The following RTL1 variants were observed in gnomAD, a reference collection of about 807,000 sequenced individuals.
The protein encoded by RTL1 is retrotransposon-like protein 1.
For missense variants in RTL1, 1,681 were observed against 1,767.5 expected (o/e 0.95, Z 0.88); for synonymous variants, 727 against 748.4 (o/e 0.97, Z 0.47).
In RTL1 at chr14:100,882,970, A is replaced by AG; in HGVS notation, c.1818dup (p.Phe607LeufsTer49). On this transcript the variant is annotated frameshift_variant, in exon 4 of 4. Coordinates refer to ENST00000649591, the MANE Select transcript of RTL1 (RefSeq NM_001134888.3). LOFTEE classifies it low-confidence loss of function (END_TRUNC). The stretch of plus-strand genomic sequence containing the variant: ...GGCGCGGTGGAGGGACACTCGTAAA[A>AG]GGTCTCGCTGTGATCACTGTCTCCA... The AG allele has an allele frequency of 6.2e-7, 1 of 1,614,056 alleles. No individual in the cohort carries two copies. The highest frequency in any genetic ancestry group is 8.5e-7 in the Non-Finnish European group (1 of 1,180,006).
rs554407361 is a variant in RTL1 at position 100,900,431 on chromosome 14, G to A, written c.-149+2860C>T. On this transcript the variant is annotated intron_variant, in intron 2 of 3. Coordinates refer to ENST00000649591, the MANE Select transcript of RTL1 (RefSeq NM_001134888.3). ...TCCGAAATGTTTGATTTGTTTACTCGGGAGCGTGAGCCTGGTCAGGCACAT... is the reference window on the plus strand; with the variant it reads ...TCCGAAATGTTTGATTTGTTTACTCAGGAGCGTGAGCCTGGTCAGGCACAT... Among the ~76,000 whole-genome samples, 182 of 152,334 alleles carry A rather than the reference G, an allele frequency of 1.2e-3. 1 individual carries two copies. Among genetic ancestry groups the A allele is most frequent in the Middle Eastern group, 6.8e-3 (2 of 294 alleles).
In RTL1 at chr14:100,893,703, T is replaced by C. The variant is rs1274546343; in HGVS notation, c.-148-198A>G. ...CGTGATGCTTCCTGAGTGCTTACTA[T>C]GCGCCAAGCGCTGCTTTCACCATTT... is the stretch of plus-strand genomic sequence containing the variant. On this transcript the variant is annotated intron_variant, in intron 2 of 3. Transcript: ENST00000649591. This position sits in a 1 kb window ranked among gnomAD's most constrained non-coding sequence, Gnocchi z 4.2. Among the ~76,000 whole-genome samples the C allele has an allele frequency of 6.6e-6, 1 of 152,240 alleles. No individual in the cohort carries two copies. Among genetic ancestry groups the C allele is most frequent in the African/African-American group, 2.4e-5 (1 of 41,474 alleles).
At position 100,880,357 on chromosome 14, in the gene RTL1, C is replaced by T. The variant is rs530627197; in HGVS notation, c.*355G>A. On this transcript the variant is annotated 3_prime_UTR_variant, in exon 4 of 4. Coordinates refer to ENST00000649591, the MANE Select transcript of RTL1 (RefSeq NM_001134888.3). ...GCCCCGTCACCTGCTTGCTTGGCTG[C>T]GCCTGCTGTGCCTGCTTCTTCATCT... Among the ~76,000 whole-genome samples the T allele has an allele frequency of 1.3e-5, 2 of 152,216 alleles. No homozygotes were observed. Among genetic ancestry groups the T allele is most frequent in the South Asian group, 2.1e-4 (1 of 4,824 alleles).
chr14:100,880,948 G>A lies in RTL1; in HGVS notation c.3841C>T (p.Arg1281Cys), dbSNP rs530313157. Residue 1281 changes from arginine to cysteine, a missense_variant, in exon 4 of 4, where the codon CGC (arginine) becomes TGC (cysteine). Physicochemically the swap from Arg to Cys is radical, Grantham distance 180. Coordinates refer to ENST00000649591, the MANE Select transcript of RTL1 (RefSeq NM_001134888.3). The stretch of plus-strand genomic sequence containing the variant: ...AGGACCTGGGGATCCATCAGGTGGC[G>A]TGGGCGGGGTGGGTGGGTGGCTGCT... ...HTAATHPPRP[R>C]HLMDPQVLEF... 3.2e-5 allele frequency: 50 copies of A among 1,549,032 alleles called. No homozygotes were observed. Among genetic ancestry groups the A allele is most frequent in the East Asian group, 1.7e-4 (7 of 40,886 alleles).
intron 3 of RTL1, among the ~76,000 whole-genome samples, chr14:100,890,074 G>GGA (rs554899525): frequency 8.9e-5 from 11 of 123,892 alleles, no homozygotes; most frequent in Non-Finnish European, 1.5e-4. Context: ...CGCCTTATTT[G>GGA]AAAAAAAAAA....
In RTL1 at chr14:100,884,331, T is replaced by C. The variant is rs776755981; in HGVS notation, c.458A>G (p.Gln153Arg). 6.5e-7 allele frequency: 1 copy of C among 1,543,784 alleles called. No homozygotes were observed. The highest frequency in any genetic ancestry group is 8.8e-7 in the Non-Finnish European group (1 of 1,141,332). ...ESGREETPQE[Q>R]NQTEHSTAEL... ...TGCGGTTGAGTGCTCGGTCTGGTTT[T>C]GCTCTTGAGGAGTCTCCTCCCTTCC... The change falls in exon 4 of 4, where the codon CAA (glutamine) becomes CGA (arginine). Residue 153 changes from glutamine (Q) to arginine (R), a missense_variant. Coordinates refer to ENST00000649591, the MANE Select transcript of RTL1 (RefSeq NM_001134888.3).
rs891889986 is a variant in RTL1, at chr14:100,881,115, A to G, written c.3674T>C (p.Val1225Ala). The G allele has an allele frequency of 6.3e-7, 1 of 1,578,358 alleles. No homozygotes were observed. Among genetic ancestry groups the G allele is most frequent in the African/African-American group, 1.3e-5 (1 of 74,076 alleles). Reference sequence around the variant, plus strand: ...TCGCAAGACGACATCCTCATCACCAACGACGTGCAGCTCCAGGTAGCGGTT... The same window carrying G: ...TCGCAAGACGACATCCTCATCACCAGCGACGTGCAGCTCCAGGTAGCGGTT... The part of the protein sequence containing the change: ...RQNRYLELHV[V>A]GDEDVVLREA... The change falls in exon 4 of 4, where the codon GTT becomes GCT. Residue 1225 changes from valine (V) to alanine (A), a missense_variant. By Grantham distance (64) the Val-to-Ala change is moderately conservative. Transcript: ENST00000649591. The surrounding 1 kb of genome is among the most constrained non-coding windows in gnomAD (Gnocchi z 6.6).
rs1415706850 is a variant in RTL1 at position 100,880,920 on chromosome 14, T to C, written c.3869A>G (p.Glu1290Gly). The change falls in exon 4 of 4, where the codon GAA (glutamate) becomes GGA (glycine). Residue 1290 changes from glutamate (E) to glycine (G), a missense_variant. By Grantham distance (98) the Glu-to-Gly change is moderately conservative. Coordinates refer to ENST00000649591, the MANE Select transcript of RTL1 (RefSeq NM_001134888.3). ...PRHLMDPQVL[E>G]FLGSRLLHIH... ...GTGGAGCAGGCGGCTACCAAGGAAT[T>C]CCAGGACCTGGGGATCCATCAGGTG... 7 of 1,265,526 alleles carry C rather than the reference T, an allele frequency of 5.5e-6. No homozygotes were observed. The East Asian group carries it at 3.1e-4, about 56-fold the overall frequency. The allele number at this position is 1,265,526 out of a possible 1,614,324, so 78.4% of individuals were successfully genotyped here.
chr14:100,894,291 CAG>C (rs1228447273), intron 2 of RTL1, among the ~76,000 whole-genome samples: 3 of 116,458 alleles, frequency 2.6e-5, no homozygotes, highest in African/African-American at 1.0e-4. Context: ...ACCTGGGCGA[CAG>C]AGTGAAACTC....
rs74082838 is a variant in RTL1 at position 100,902,894 on chromosome 14, C to T, written c.-149+397G>A. On this transcript the variant is annotated intron_variant, in intron 2 of 3. Coordinates refer to ENST00000649591, the MANE Select transcript of RTL1 (RefSeq NM_001134888.3). Reference sequence around the variant, plus strand: ...GGAGAGAGAGGTATGTAACAAGTGTCGCAAGAGAGAAAACAGCCTGGCCTT... The same window carrying T: ...GGAGAGAGAGGTATGTAACAAGTGTTGCAAGAGAGAAAACAGCCTGGCCTT... Among the ~76,000 whole-genome samples, 1,089 of 152,196 alleles carry T rather than the reference C, an allele frequency of 7.2e-3. 15 individuals are homozygous for T. Among genetic ancestry groups the T allele is most frequent in the African/African-American group, 0.024 (1,008 of 41,490 alleles).
At chr14:100,895,145 A>G (rs541495078) in intron 2 of RTL1, 9 of 152,378 alleles carry the variant, frequency 5.9e-5, no homozygotes, top group African/African-American at 1.4e-4. Flanking sequence ...CCAAAAACCC[A>G]CTAACCCTGT....
Position 100,881,005 on chromosome 14 carries a change from T to C in RTL1, c.3784A>G (p.Asn1262Asp), listed in dbSNP as rs2038600894. ...CTGGGTGGGGCCTCCTGCACGTCGT[T>C]GTCCTGCTTGTCCTGCGAGGTGTCT... The part of the protein sequence containing the change: ...LQDTSQDKQD[N>D]DVQEAPPSHT... The change falls in exon 4 of 4, where the codon AAC (asparagine) becomes GAC (aspartate). Residue 1262 changes from asparagine (N) to aspartate (D), a missense_variant. By Grantham distance (23) the Asn-to-Asp change is conservative. Coordinates refer to ENST00000649591, the MANE Select transcript of RTL1 (RefSeq NM_001134888.3). This position sits in a 1 kb window ranked among gnomAD's most constrained non-coding sequence, Gnocchi z 6.6. 3.8e-6 allele frequency: 6 copies of C among 1,577,094 alleles called. No individual in the cohort carries two copies. The highest frequency in any genetic ancestry group is 5.2e-6 in the Non-Finnish European group (6 of 1,161,668).
intron 2 of RTL1, chr14:100,897,760 G>GGT (rs2038884542): frequency 3.1e-5 from 5 of 159,360 alleles, no homozygotes; most frequent in African/African-American, 1.2e-4. Context: ...GCGGGGGGGG[G>GGT]GGTGGGGGGG....
intron 2 of RTL1, among the ~76,000 whole-genome samples, chr14:100,895,404 A>C (rs1306797575): frequency 6.6e-6 from 1 of 152,158 alleles, no homozygotes; most frequent in East Asian, 1.9e-4. Context: ...ATGGGGATGC[A>C]ACTTTCAAGA....
In RTL1 at chr14:100,883,371, CA is replaced by C. The variant is rs2038647666; in HGVS notation, c.1417del (p.Trp473GlyfsTer32). 6.4e-7 allele frequency: 1 copy of C among 1,550,754 alleles called. No homozygotes were observed. The highest frequency in any genetic ancestry group is 8.7e-7 in the Non-Finnish European group (1 of 1,146,504). On this transcript the variant is annotated frameshift_variant, in exon 4 of 4. Coordinates refer to ENST00000649591, the MANE Select transcript of RTL1 (RefSeq NM_001134888.3). LOFTEE classifies it low-confidence loss of function (END_TRUNC). This position sits in a 1 kb window ranked among gnomAD's most constrained non-coding sequence, Gnocchi z 5.9. ...ACACACCAGGGGCTCCGTGTAGAGC[CA>C]GACAGGCTCGTTGCCAATCAGCGAG... Reference protein sequence around the residue: ...DGSLIGNEPVWLYTEPLVCIH... With the variant: ...DGSLIGNEPVXLYTEPLVCIH...
intron 3 of RTL1, among the ~76,000 whole-genome samples, chr14:100,892,709 G>A (rs1250112201): frequency 6.6e-6 from 1 of 152,178 alleles, no homozygotes; most frequent in Non-Finnish European, 1.5e-5. Flanking sequence ...CCTTCCCCGG[G>A]AGGGGCAGGC....
At chr14:100,895,341 G>A (rs2038840978) in intron 2 of RTL1, among the ~76,000 whole-genome samples, 1 of 152,120 alleles carries the variant, frequency 6.6e-6, no homozygotes, top group African/African-American at 2.4e-5. Context: ...GCTTAGGGGA[G>A]ATGGATGACT....
At chr14:100,897,131 G>A (rs2038868741) in intron 2 of RTL1, among the ~76,000 whole-genome samples, 1 of 152,184 alleles carries the variant, frequency 6.6e-6, no homozygotes. Context: ...GGGCTCCAGT[G>A]AGAGCATATA....
chr14:100,888,868 T>G (rs1224715789), intron 3 of RTL1, among the ~76,000 whole-genome samples: 1 of 152,202 alleles, frequency 6.6e-6, no homozygotes, highest in Admixed American at 6.5e-5. Context: ...TAATCACACC[T>G]CCTAGGCAAG....
Sources: allele counts gnomAD v4.1 joint callset (sites outside exome capture counted in the v4.1 genomes callset), GRCh38; gene constraint gnomAD v4.1.1; non-coding constraint Gnocchi (gnomAD v3.1); transcripts MANE v1.5; gene names NCBI Gene and HGNC (gene_info 2026-07-23, HGNC 2026-07-21).